The following RGL1 variants were observed in gnomAD, a reference collection of about 807,000 sequenced individuals.
RGL1 encodes the protein ral guanine nucleotide dissociation stimulator-like 1.
A neutral mutation model predicts 95.2 loss-of-function variants in RGL1; 24 were observed. The observed-to-expected ratio is 0.25, with a 90% CI of 0.18 to 0.35. The LOEUF (loss-of-function observed/expected upper bound fraction) is 0.35, where lower values mean the gene tolerates loss of function less well. Among genes scored for constraint, RGL1 ranks in the 10% least tolerant of loss-of-function variants. The pLI, the probability that RGL1 is intolerant of heterozygous loss-of-function variation, is 1.00. For synonymous variants in RGL1, 329 were observed against 344.9 expected, an observed-to-expected ratio of 0.95 and a Z score of 0.51; for missense variants, 715 against 936.3, an observed-to-expected ratio of 0.76 and a Z score of 3.08.
chr1:183,892,066 C>T lies in RGL1; in HGVS notation c.1056-11C>T, dbSNP rs1442802463. 6.2e-7 allele frequency: 1 copy of T among 1,602,808 alleles called. No individual in the cohort carries two copies. Among genetic ancestry groups the T allele is most frequent in the Non-Finnish European group, 8.5e-7 (1 of 1,171,128 alleles). ...CTTCATTGTTAATATTTTCTTAATC[C>T]CTTTTCATAGGGACCGAATGCTGAT... is the stretch of plus-strand genomic sequence containing the variant. On this transcript the variant is annotated splice_polypyrimidine_tract_variant and intron_variant, in intron 8 of 17. Coordinates refer to ENST00000360851, the MANE Select transcript of RGL1 (RefSeq NM_001297671.3).
chr1:183,700,363 A>T (rs1654514936), intron 1 of RGL1, among the ~76,000 whole-genome samples: 1 of 152,114 alleles, frequency 6.6e-6, no homozygotes, highest in Non-Finnish European at 1.5e-5. Flanking sequence ...TAGTATCATA[A>T]ATATGGGATC....
chr1:183,739,841 C>T (rs1052485345), intron 1 of RGL1, among the ~76,000 whole-genome samples: 1 of 152,192 alleles, frequency 6.6e-6, no homozygotes, highest in Non-Finnish European at 1.5e-5. Context: ...AGTCTTCCAA[C>T]GCTGAAAATT....
At chr1:183,903,563 G>T (rs1037003485) in intron 12 of RGL1, among the ~76,000 whole-genome samples, 4 of 152,160 alleles carry the variant, frequency 2.6e-5, no homozygotes, top group African/African-American at 9.7e-5. Context: ...CTAACATGGG[G>T]GGGGTTTGGG....
intron 2 of RGL1, among the ~76,000 whole-genome samples, chr1:183,755,814 G>A (rs1436259514): frequency 6.6e-6 from 1 of 152,008 alleles, no homozygotes; most frequent in African/African-American, 2.4e-5. Flanking sequence ...TCCAGCATGA[G>A]TATGGGCACT....
chr1:183,884,789 G>A lies in RGL1; in HGVS notation c.802G>A (p.Glu268Lys). Residue 268 changes from glutamate to lysine, a missense_variant, in exon 7 of 18, where the codon GAA becomes AAA. Transcript: ENST00000360851. ...GCIWSRRDKK[E>K]NKHLAPTIRA... ...CATTTGGTCTCGAAGGGATAAGAAGGAAAACAAACATTTGGCTCCTACGAT... is the reference window on the plus strand; with the variant it reads ...CATTTGGTCTCGAAGGGATAAGAAGAAAAACAAACATTTGGCTCCTACGAT... 1 of 1,614,062 alleles carries A rather than the reference G, an allele frequency of 6.2e-7. No individual in the cohort carries two copies. Among genetic ancestry groups the A allele is most frequent in the Non-Finnish European group, 8.5e-7 (1 of 1,179,978 alleles).
At chr1:183,759,747 T>C (rs981550473) in intron 2 of RGL1, among the ~76,000 whole-genome samples, 1 of 152,242 alleles carries the variant, frequency 6.6e-6, no homozygotes, top group Non-Finnish European at 1.5e-5. Context: ...TTCCTTGTGA[T>C]TAAGACCACC....
intron 13 of RGL1, 62 bp from the exon 14 acceptor site, chr1:183,906,950 A>C (rs982398610): frequency 1.1e-6 from 1 of 904,338 alleles, no homozygotes; most frequent in Non-Finnish European, 1.8e-6. Context: ...ACATCATGTG[A>C]ATTTAAGTGT....
At position 183,904,367 on chromosome 1, in the gene RGL1, A is replaced by T. The variant is rs185857143; in HGVS notation, c.1351-483A>T. ...CAGCCCTACCAAAACTTATTTATTG[A>T]GGGGTAAAGGTTGAGGAAGATGGGG... On this transcript the variant is annotated intron_variant, in intron 12 of 17. Coordinates refer to ENST00000360851, the MANE Select transcript of RGL1 (RefSeq NM_001297671.3). Among the ~76,000 whole-genome samples, 30 of 152,294 alleles carry T rather than the reference A, an allele frequency of 2.0e-4. No individual in the cohort carries two copies. The East Asian group carries it at 5.4e-3, about 27-fold the overall frequency.
chr1:183,846,558 A>C (rs960293954), intron 2 of RGL1, among the ~76,000 whole-genome samples: 3 of 151,744 alleles, frequency 2.0e-5, no homozygotes, highest in Non-Finnish European at 2.9e-5. Flanking sequence ...AAAAAGAATA[A>C]AAAACTCCAA....
chr1:183,892,219 A>G lies in RGL1; in HGVS notation c.1140+58A>G. On this transcript the variant is annotated intron_variant, in intron 9 of 17. Transcript: ENST00000360851. ...TGTTAATAGCTCTGGAATCCATTCA[A>G]GGAAGAGTAGTGTGAGGGCTCCTTA... is the stretch of plus-strand genomic sequence containing the variant. The G allele has an allele frequency of 3.9e-6, 5 of 1,283,998 alleles. No individual in the cohort carries two copies. The South Asian group carries it at 5.1e-5, about 13-fold the overall frequency. 79.5% of individuals were successfully genotyped at this position (1,283,998 alleles called of 1,614,324 possible). A position where few individuals can be genotyped will look rare whatever the true frequency, so the allele number is the denominator to read the frequency against.
At chr1:183,870,960 TCATCTGACC>T (rs1255902661) in intron 4 of RGL1, among the ~76,000 whole-genome samples, 2 of 152,208 alleles carry the variant, frequency 1.3e-5, no homozygotes, top group African/African-American at 4.8e-5. Flanking sequence ...CACTTACCAG[TCATCTGACC>T]TTGGCTTAGT....
chr1:183,647,977 C>T, intron 1 of RGL1: 2 of 1,614,142 alleles, frequency 1.2e-6, no homozygotes, highest in Non-Finnish European at 1.7e-6. Flanking sequence ...AAAAACTGTC[C>T]AGGAAAGGCA....
intron 2 of RGL1, among the ~76,000 whole-genome samples, chr1:183,760,716 G>T (rs1658620244): frequency 6.6e-6 from 1 of 152,010 alleles, no homozygotes; most frequent in Non-Finnish European, 1.5e-5. Flanking sequence ...TTGCACCACT[G>T]CACTCCAGCC....
At chr1:183,913,472 C>T (rs1668784902) in intron 15 of RGL1, among the ~76,000 whole-genome samples, 1 of 152,054 alleles carries the variant, frequency 6.6e-6, no homozygotes, top group Non-Finnish European at 1.5e-5. Context: ...CTGGGATGAG[C>T]CACCGCACCC....
chr1:183,810,799 T>G (rs1452632159), intron 2 of RGL1, among the ~76,000 whole-genome samples: 4 of 152,210 alleles, frequency 2.6e-5, no homozygotes, highest in Non-Finnish European at 5.9e-5. Flanking sequence ...TCAGCTAATT[T>G]CACTTCTGGG....
rs186238689 is a variant in RGL1, at chr1:183,647,626, C to T, written c.-33+11125C>T. The stretch of plus-strand genomic sequence containing the variant: ...AGAGAAAGTTTCCAGATTTTTATTG[C>T]CTATCTAATAAGTCCCTTGGTAATT... On this transcript the variant is annotated intron_variant, in intron 1 of 18. Transcript: ENST00000304685. The T allele has an allele frequency of 8.4e-5, 126 of 1,508,654 alleles. No homozygotes were observed. The East Asian group carries it at 2.0e-3, about 24-fold the overall frequency. The allele number at this position is 1,508,654 out of a possible 1,614,324, so 93.5% of individuals were successfully genotyped here.
chr1:183,839,284 A>G (rs1316143307), intron 2 of RGL1, among the ~76,000 whole-genome samples: 2 of 152,178 alleles, frequency 1.3e-5, no homozygotes, highest in African/African-American at 4.8e-5. Flanking sequence ...TACCATTGGC[A>G]TGTAATTCAG....
intron 1 of RGL1, among the ~76,000 whole-genome samples, chr1:183,692,042 AAT>A (rs1168196004): frequency 6.6e-6 from 1 of 150,518 alleles, no homozygotes; most frequent in East Asian, 1.9e-4. Flanking sequence ...TGAGAATCTT[AAT>A]ATATATTTTA....
Position 183,805,257 on chromosome 1 carries a change from G to C in RGL1, c.-41G>C. 6.2e-7 allele frequency: 1 copy of C among 1,608,508 alleles called. No homozygotes were observed. On this transcript the variant is annotated 5_prime_UTR_variant, in exon 1 of 18. Coordinates refer to ENST00000360851, the MANE Select transcript of RGL1 (RefSeq NM_001297671.3). ...GACATTGCGTTGGCCTCCGAGCAGG[G>C]CGCATCATGCAGCGTTCGCGCACCG...
Sources: allele counts gnomAD v4.1 joint callset (sites outside exome capture counted in the v4.1 genomes callset), GRCh38; gene constraint gnomAD v4.1.1; transcripts MANE v1.5; gene names NCBI Gene and HGNC (gene_info 2026-07-23, HGNC 2026-07-21).